GRM5: variants seen among roughly 807,000 people sequenced by gnomAD.
GRM5 encodes the protein glutamate metabotropic receptor 5, also known as metabotropic glutamate receptor 5.
In GRM5, 19 loss-of-function variants were observed where a neutral mutation model predicts 83.1. The ratio of observed to expected loss-of-function variants is 0.23; its 90% CI spans 0.16 to 0.34. GRM5 has a LOEUF of 0.34. Among genes scored for constraint, GRM5 ranks in the 10% least tolerant of loss-of-function variants. GRM5 has a pLI of 1.00. For missense variants in GRM5, 1,160 were observed against 1,588.3 expected, an observed-to-expected ratio of 0.73 and a Z score of 4.58; for synonymous variants, 675 against 633.6, an observed-to-expected ratio of 1.07 and a Z score of -0.98.
intron 2 of GRM5, among the ~76,000 whole-genome samples, chr11:89,000,995 T>A (rs1456452810): frequency 7.9e-6 from 1 of 127,386 alleles, no homozygotes; most frequent in African/African-American, 2.6e-5. Context: ...AAAACCACAG[T>A]GAGATAGCAC....
chr11:88,895,491 A>G (rs1945215006), intron 2 of GRM5, among the ~76,000 whole-genome samples: 1 of 151,978 alleles, frequency 6.6e-6, no homozygotes, highest in East Asian at 1.9e-4. Context: ...TGAATAATAT[A>G]GTAAAAATTT....
chr11:88,825,216 A>C (rs1316648829), intron 3 of GRM5, among the ~76,000 whole-genome samples: 1 of 149,576 alleles, frequency 6.7e-6, no homozygotes, highest in Non-Finnish European at 1.5e-5. Flanking sequence ...AATCAACTAC[A>C]CTGGATCCTG....
chr11:88,601,411 C>T (rs574654342), intron 5 of GRM5, among the ~76,000 whole-genome samples: 1 of 151,928 alleles, frequency 6.6e-6, no homozygotes, highest in African/African-American at 2.4e-5. Context: ...TTCTCTCATT[C>T]TCTTTCTCTC....
intron 4 of GRM5, among the ~76,000 whole-genome samples, chr11:88,625,638 AG>A (rs1430046231): frequency 2.0e-5 from 3 of 152,064 alleles, no homozygotes; most frequent in African/African-American, 7.2e-5. Flanking sequence ...AGAGAAAGGG[AG>A]GGGGGCAAGG....
At chr11:88,924,772 T>C (rs1471967137) in intron 2 of GRM5, among the ~76,000 whole-genome samples, 1 of 151,916 alleles carries the variant, frequency 6.6e-6, no homozygotes, top group Non-Finnish European at 1.5e-5. Flanking sequence ...CTACAGTTAA[T>C]AATATTGTAT....
intron 3 of GRM5, among the ~76,000 whole-genome samples, chr11:88,778,947 G>T (rs190136654): frequency 6.6e-6 from 1 of 152,124 alleles, no homozygotes; most frequent in South Asian, 2.1e-4. Context: ...GCCCTTCTGG[G>T]TTAAATAAAA....
chr11:88,867,226 T>A (rs1290726075), intron 2 of GRM5, among the ~76,000 whole-genome samples: 3 of 151,988 alleles, frequency 2.0e-5, no homozygotes, highest in Admixed American at 1.3e-4. Context: ...AAAGTAGTTT[T>A]TTTTCTAATT....
At chr11:88,998,539 A>G (rs1319007701) in intron 2 of GRM5, among the ~76,000 whole-genome samples, 1 of 152,194 alleles carries the variant, frequency 6.6e-6, no homozygotes, top group Admixed American at 6.5e-5. Context: ...AAGGCTGACC[A>G]ATCTTCCCAT....
At chr11:88,533,760 A>G (rs1942070847) in intron 8 of GRM5, among the ~76,000 whole-genome samples, 1 of 152,152 alleles carries the variant, frequency 6.6e-6, no homozygotes, top group South Asian at 2.1e-4. Context: ...CCCCAAGACA[A>G]TGGGGAAAAT....
chr11:89,009,930 A>AAAAAAAAC (rs1316250515), intron 2 of GRM5, among the ~76,000 whole-genome samples: 13 of 100,122 alleles, frequency 1.3e-4, no homozygotes, highest in African/African-American at 4.0e-4. Context: ...AAAAAAAAAA[A>AAAAAAAAC]CACACACAAA....
At chr11:88,589,607 C>T (rs1368203138) in intron 7 of GRM5, among the ~76,000 whole-genome samples, 2 of 152,114 alleles carry the variant, frequency 1.3e-5, no homozygotes, top group South Asian at 2.1e-4. Flanking sequence ...GATCTTCTAG[C>T]CTCTAGAAGT....
chr11:88,535,011 G>T (rs897549136), intron 8 of GRM5, among the ~76,000 whole-genome samples: 2 of 152,130 alleles, frequency 1.3e-5, no homozygotes, highest in African/African-American at 2.4e-5. Context: ...TGCCATGATT[G>T]TGAGGCTTCC....
At chr11:88,665,996 T>G (rs2135324603) in intron 3 of GRM5, among the ~76,000 whole-genome samples, 1 of 152,258 alleles carries the variant, frequency 6.6e-6, no homozygotes, top group African/African-American at 2.4e-5. Context: ...TCTGGGCTAG[T>G]ATTACATTTA....
chr11:88,982,358 C>A (rs762837100), intron 2 of GRM5, among the ~76,000 whole-genome samples: 1 of 152,104 alleles, frequency 6.6e-6, no homozygotes, highest in Non-Finnish European at 1.5e-5. Context: ...AAACCTTTAG[C>A]TTACATAAGT....
chr11:88,674,973 C>T (rs1280200072), intron 3 of GRM5, among the ~76,000 whole-genome samples: 1 of 151,880 alleles, frequency 6.6e-6, no homozygotes, highest in Non-Finnish European at 1.5e-5. Flanking sequence ...CCTTTTCTTT[C>T]TGTATGCCAC....
chr11:88,665,341 A>C (rs899230060), intron 3 of GRM5, among the ~76,000 whole-genome samples: 1 of 152,160 alleles, frequency 6.6e-6, no homozygotes, highest in African/African-American at 2.4e-5. Context: ...CTCTAATAAC[A>C]TGGAAAAGAC....
intron 3 of GRM5, among the ~76,000 whole-genome samples, chr11:88,707,437 T>C (rs562299035): frequency 6.6e-6 from 1 of 152,240 alleles, no homozygotes; most frequent in East Asian, 1.9e-4. Context: ...ACTTCTCTCA[T>C]ATATGACACC....
chr11:88,802,110 G>C (rs1943408773), intron 3 of GRM5, among the ~76,000 whole-genome samples: 1 of 152,072 alleles, frequency 6.6e-6, no homozygotes, highest in Non-Finnish European at 1.5e-5. Flanking sequence ...TTTTATGCTT[G>C]CTTTCAAATC....
rs10765779 is a variant in GRM5 at position 88,802,991 on chromosome 11, A to T, written c.911+46915T>A. On this transcript the variant is annotated intron_variant, in intron 3 of 9. Transcript: ENST00000305447. ...TCCAACTTACAAGGGACATGAAGGA[A>T]CTCTTCAAGAAGAACTACAAAGCAC... Among the ~76,000 whole-genome samples, 7 of 127,568 alleles carry T rather than the reference A, an allele frequency of 5.5e-5. 1 individual carries two copies. Among genetic ancestry groups the T allele is most frequent in the African/African-American group, 2.5e-4 (7 of 28,004 alleles). The allele number at this position is 127,568 out of a possible 152,430, so 83.7% of individuals were successfully genotyped here.
Sources: gnomAD v4.1 joint callset for allele counts (sites outside exome capture counted in the v4.1 genomes callset) on GRCh38, gnomAD v4.1.1 for gene constraint, MANE v1.5 for transcripts, NCBI Gene and HGNC (gene_info 2026-07-23, HGNC 2026-07-21) for gene names.